The following CCDC91 variants were observed in gnomAD, a reference collection of about 807,000 sequenced individuals.
The protein encoded by CCDC91 is coiled-coil domain-containing protein 91.
CCDC91 carries 48 observed loss-of-function variants against 63.2 expected under a neutral mutation model. That is an observed-to-expected ratio of 0.76 (90% CI 0.60 to 0.97). The LOEUF is 0.97. CCDC91 is among the 50% of genes least tolerant of loss of function. The pLI, the probability that CCDC91 is intolerant of heterozygous loss-of-function variation, is 0.00. For synonymous variants in CCDC91, 167 were observed against 165.8 expected, an observed-to-expected ratio of 1.01 and a Z score of -0.06; for missense variants, 500 against 494.6, an observed-to-expected ratio of 1.01 and a Z score of -0.10.
chr12:28,407,458 G>A (rs1947022804), intron 8 of CCDC91, among the ~76,000 whole-genome samples: 1 of 152,102 alleles, frequency 6.6e-6, no homozygotes, highest in Non-Finnish European at 1.5e-5. Flanking sequence ...ATCAAGTACT[G>A]TAAGCCCTCC....
At chr12:28,389,565 T>C (rs1173738924) in intron 7 of CCDC91, among the ~76,000 whole-genome samples, 3 of 152,036 alleles carry the variant, frequency 2.0e-5, no homozygotes, top group Non-Finnish European at 4.4e-5. Flanking sequence ...ACTTCTTAAT[T>C]ATGGAGAGAG....
chr12:28,518,766 T>C (rs749854469), intron 12 of CCDC91, among the ~76,000 whole-genome samples: 31 of 152,050 alleles, frequency 2.0e-4, no homozygotes, highest in Non-Finnish European at 3.8e-4. Flanking sequence ...TGTTATCTTC[T>C]AGAATTTTTA....
chr12:28,547,114 C>T (rs1943045192), intron 12 of CCDC91, among the ~76,000 whole-genome samples: 1 of 151,908 alleles, frequency 6.6e-6, no homozygotes, highest in Non-Finnish European at 1.5e-5. Flanking sequence ...AGATGTGGAC[C>T]ACATATTTTT....
chr12:28,511,053 A>T (rs1202370981), intron 12 of CCDC91, among the ~76,000 whole-genome samples: 1 of 151,918 alleles, frequency 6.6e-6, no homozygotes, highest in East Asian at 1.9e-4. Context: ...CTTCATAATA[A>T]TTCTAAGTTC....
intron 10 of CCDC91, 131 bp downstream of exon 10, chr12:28,450,549 TTTAAAC>T: frequency 3.1e-6 from 2 of 651,214 alleles, no homozygotes; most frequent in South Asian, 2.0e-5. Context: ...TTTATTTACT[TTTAAAC>T]TTAAGATATG....
At chr12:28,470,346 T>C (rs552988578) in intron 11 of CCDC91, among the ~76,000 whole-genome samples, 3 of 152,224 alleles carry the variant, frequency 2.0e-5, no homozygotes, top group African/African-American at 2.4e-5. Context: ...TTCAACATCA[T>C]TGATCATCAG....
chr12:28,198,210 G>T (rs1941931064), intron 1 of CCDC91, among the ~76,000 whole-genome samples: 1 of 152,120 alleles, frequency 6.6e-6, no homozygotes, highest in Non-Finnish European at 1.5e-5. Context: ...TGGTTAAAGA[G>T]TAGGTCTACA....
chr12:28,477,510 A>G (rs1314343969), intron 11 of CCDC91, among the ~76,000 whole-genome samples: 1 of 152,198 alleles, frequency 6.6e-6, no homozygotes. Context: ...AGCCAATATC[A>G]TACGGAATGG....
intron 11 of CCDC91, among the ~76,000 whole-genome samples, chr12:28,460,526 C>G (rs1265508044): frequency 6.6e-6 from 1 of 151,968 alleles, no homozygotes; most frequent in Non-Finnish European, 1.5e-5. Context: ...ATAATACCTG[C>G]TTTGCATAGT....
In CCDC91 at chr12:28,307,730, A is replaced by G; in HGVS notation, c.557A>G (p.Asp186Gly). 6.3e-7 allele frequency: 1 copy of G among 1,577,204 alleles called. No individual in the cohort carries two copies. Among genetic ancestry groups the G allele is most frequent in the Non-Finnish European group, 8.7e-7 (1 of 1,154,730 alleles). Reference protein sequence around the residue: ...EKEQEAISFQDRYKELQEKHK... With the variant: ...EKEQEAISFQGRYKELQEKHK... ...GAGCAAGAGGCCATTTCTTTTCAAG[A>G]TAGATACAAAGAACTTCAGGTAAGG... Residue 186 changes from aspartate (D) to glycine (G), a missense_variant, in exon 6 of 13, where the codon GAT becomes GGT. Coordinates refer to ENST00000536442, the MANE Select transcript of CCDC91 (RefSeq NM_018318.5).
intron 8 of CCDC91, among the ~76,000 whole-genome samples, chr12:28,418,803 G>A (rs1348557552): frequency 6.6e-6 from 1 of 152,094 alleles, no homozygotes; most frequent in Non-Finnish European, 1.5e-5. Context: ...GCCACATTTA[G>A]ATAAGCGTGA....
chr12:28,451,113 T>G (rs1949783616), intron 10 of CCDC91, among the ~76,000 whole-genome samples: 1 of 151,756 alleles, frequency 6.6e-6, no homozygotes, highest in African/African-American at 2.4e-5. Context: ...ATGGCTAGCA[T>G]TCTGAACAGA....
Position 28,525,980 on chromosome 12 carries a change from G to T in CCDC91, c.1216-23083G>T, listed in dbSNP as rs547224190. On this transcript the variant is annotated intron_variant, in intron 12 of 12. Transcript: ENST00000536442. Reference sequence around the variant, plus strand: ...CCATCCCTTTACCTTAAGTTTGTGTGAGTCCATATGTGTTAGGTGTGTCTC... The same window carrying T: ...CCATCCCTTTACCTTAAGTTTGTGTTAGTCCATATGTGTTAGGTGTGTCTC... Among the ~76,000 whole-genome samples, 5 of 152,112 alleles carry T rather than the reference G, an allele frequency of 3.3e-5. No individual in the cohort carries two copies. The South Asian group carries it at 1.0e-3, about 32-fold the overall frequency.
intron 8 of CCDC91, among the ~76,000 whole-genome samples, chr12:28,397,404 G>A (rs1946358207): frequency 6.6e-6 from 1 of 152,100 alleles, no homozygotes; most frequent in Admixed American, 6.5e-5. Context: ...GACCTATGAA[G>A]TGGAAACATT....
chr12:28,429,437 T>A (rs572408844), intron 8 of CCDC91, among the ~76,000 whole-genome samples: 1 of 152,280 alleles, frequency 6.6e-6, no homozygotes, highest in Admixed American at 6.5e-5. Flanking sequence ...AGGATTTTTT[T>A]AATATAAAAC....
intron 7 of CCDC91, among the ~76,000 whole-genome samples, chr12:28,371,784 G>A (rs1486382263): frequency 6.6e-6 from 1 of 152,144 alleles, no homozygotes. Flanking sequence ...CCGGAGGCTT[G>A]AACAATCTCA....
chr12:28,384,742 C>T (rs530791113), intron 7 of CCDC91, among the ~76,000 whole-genome samples: 1 of 151,924 alleles, frequency 6.6e-6, no homozygotes, highest in East Asian at 1.9e-4. Context: ...ACCACTGTGT[C>T]TTTTCATGTG....
intron 11 of CCDC91, among the ~76,000 whole-genome samples, chr12:28,476,547 A>G (rs1490785680): frequency 1.3e-5 from 2 of 152,138 alleles, no homozygotes; most frequent in Admixed American, 6.6e-5. Flanking sequence ...CCCTAACATC[A>G]CAATTAAAAG....
At chr12:28,494,657 T>C (rs1952186362) in intron 12 of CCDC91, among the ~76,000 whole-genome samples, 1 of 151,704 alleles carries the variant, frequency 6.6e-6, no homozygotes, top group Non-Finnish European at 1.5e-5. Flanking sequence ...GTGAAATATA[T>C]TGTAGTACAG....
Sources: gnomAD v4.1 joint callset for allele counts (sites outside exome capture counted in the v4.1 genomes callset) on GRCh38, gnomAD v4.1.1 for gene constraint, MANE v1.5 for transcripts, NCBI Gene and HGNC (gene_info 2026-07-23, HGNC 2026-07-21) for gene names.